The following CA12 variants were observed in gnomAD, a reference collection of about 807,000 sequenced individuals.
CA12 encodes carbonate dehydratase XII.
A neutral mutation model predicts 46.8 loss-of-function variants in CA12; 36 were observed. That is an observed-to-expected ratio of 0.77 (90% CI 0.59 to 1.02). The LOEUF is 1.02. CA12 is among the 50% of genes least tolerant of loss of function. The pLI, the probability that CA12 is intolerant of heterozygous loss-of-function variation, is 0.00. For missense variants in CA12, 436 were observed against 451.4 expected (o/e 0.97, Z 0.31); for synonymous variants, 202 against 187.0 (o/e 1.08, Z -0.65).
chr15:63,361,471 G>T (rs908142139), intron 2 of CA12, among the ~76,000 whole-genome samples: 3 of 152,166 alleles, frequency 2.0e-5, no homozygotes. Context: ...ACTTGGGGGG[G>T]TGCTACTAGC....
rs1314902289 is a variant in CA12, at chr15:63,381,710, C to T, written c.11G>A (p.Arg4His). Residue 4 changes from arginine to histidine, a missense_variant, in exon 1 of 11, where the codon CGC (arginine) becomes CAC (histidine). Physicochemically the swap from Arg to His is conservative, Grantham distance 29 (BLOSUM62 0). Transcript: ENST00000178638. MPR[R>H]SLHAAAVLLL... ...GAGCACGGCCGCCGCGTGCAGGCTG[C>T]GCCGGGGCATCTTCGCGGGCTCCTG... The T allele has an allele frequency of 1.9e-6, 3 of 1,603,586 alleles. No individual in the cohort carries two copies. Among genetic ancestry groups the T allele is most frequent in the African/African-American group, 2.7e-5 (2 of 74,500 alleles).
intron 4 of CA12, 112 bp from the exon 5 acceptor site, chr15:63,342,209 C>G: frequency 1.4e-6 from 1 of 733,030 alleles, no homozygotes; most frequent in South Asian, 1.5e-5. Flanking sequence ...CCCCTCAGCC[C>G]CCCAGACTAG....
At chr15:63,352,403 A>G (rs1049317113) in intron 2 of CA12, among the ~76,000 whole-genome samples, 2 of 152,230 alleles carry the variant, frequency 1.3e-5, no homozygotes, top group African/African-American at 4.8e-5. Context: ...TGCTATGCAG[A>G]CGGCAAAAGA....
chr15:63,368,106 A>G (rs1192289386), intron 2 of CA12, among the ~76,000 whole-genome samples: 1 of 152,186 alleles, frequency 6.6e-6, no homozygotes, highest in African/African-American at 2.4e-5. Context: ...GTGTGTTCTT[A>G]GCATCTAACA....
intron 2 of CA12, among the ~76,000 whole-genome samples, chr15:63,357,955 G>A (rs1485428341): frequency 6.6e-6 from 1 of 152,104 alleles, no homozygotes; most frequent in Admixed American, 6.6e-5. Flanking sequence ...CTTTCATCTG[G>A]CATAATGTTT....
At chr15:63,351,387 C>T (rs956757234) in intron 2 of CA12, among the ~76,000 whole-genome samples, 1 of 152,224 alleles carries the variant, frequency 6.6e-6, no homozygotes, top group Non-Finnish European at 1.5e-5. Context: ...TTGTCATAGC[C>T]TGGCTTGGGT....
rs979516918 is a variant in CA12 at position 63,328,752 on chromosome 15, G to A, written c.875-622C>T. ...GTCTCGCTCTGTCACACATGCTGGA[G>A]TGCAGTGGCACAATCTTGGCTCACT... On this transcript the variant is annotated intron_variant, in intron 8 of 10. Transcript: ENST00000178638. This position sits in a 1 kb window ranked among gnomAD's most constrained non-coding sequence, Gnocchi z 5.9. 6.6e-6 allele frequency among the ~76,000 whole-genome samples: 1 copy of A among 150,980 alleles called. No individual in the cohort carries two copies. Among genetic ancestry groups the A allele is most frequent in the African/African-American group, 2.4e-5 (1 of 40,984 alleles).
rs1413552225 is a variant in CA12 at position 63,348,555 on chromosome 15, C to T, written c.107-1846G>A. The stretch of plus-strand genomic sequence containing the variant: ...GCCAGCCTTTTCTGTGCTCACAATA[C>T]TGCCTGGGCCCACAGCCAGCAGGGC... On this transcript the variant is annotated intron_variant, in intron 2 of 10. Transcript: ENST00000178638. This position sits in a 1 kb window ranked among gnomAD's most constrained non-coding sequence, Gnocchi z 4.6. Among the ~76,000 whole-genome samples, 1 of 152,258 alleles carries T rather than the reference C, an allele frequency of 6.6e-6. No individual in the cohort carries two copies. Among genetic ancestry groups the T allele is most frequent in the Non-Finnish European group, 1.5e-5 (1 of 68,046 alleles).
In CA12 at chr15:63,328,272, G is replaced by C; in HGVS notation, c.875-142C>G. 3 of 751,112 alleles carry C rather than the reference G, an allele frequency of 4.0e-6. No individual in the cohort carries two copies. The highest frequency in any genetic ancestry group is 7.1e-6 in the Non-Finnish European group (3 of 421,286). 46.5% of individuals were successfully genotyped at this position (751,112 alleles called of 1,614,324 possible). On this transcript the variant is annotated intron_variant, in intron 8 of 10. Coordinates refer to ENST00000178638, the MANE Select transcript of CA12 (RefSeq NM_001218.5). The surrounding 1 kb of genome is among the most constrained non-coding windows in gnomAD (Gnocchi z 5.9). ...GATGTCCACCCTTGGCTCAGGGATT[G>C]CCTGATGAAGTACAGGAAATTGCCC...
At chr15:63,375,080 C>G (rs933690149) in intron 2 of CA12, among the ~76,000 whole-genome samples, 1 of 152,186 alleles carries the variant, frequency 6.6e-6, no homozygotes, top group African/African-American at 2.4e-5. Context: ...GGAGACCGTC[C>G]CACAGAAAGC....
chr15:63,340,485 C>T lies in CA12; in HGVS notation c.590-40G>A. The T allele has an allele frequency of 6.2e-7, 1 of 1,612,492 alleles. No homozygotes were observed. Among genetic ancestry groups the T allele is most frequent in the African/African-American group, 1.3e-5 (1 of 75,026 alleles). ...TGCAGAGGTGATAGTGTCAGCCTCC[C>T]TCCGTAGGGCATAAGTGCAGCTGAA... On this transcript the variant is annotated intron_variant, in intron 6 of 10. Coordinates refer to ENST00000178638, the MANE Select transcript of CA12 (RefSeq NM_001218.5). The surrounding 1 kb of genome is among the most constrained non-coding windows in gnomAD (Gnocchi z 4.4).
rs1418488853 is a variant in CA12, at chr15:63,355,709, A to T, written c.107-9000T>A. 6.6e-6 allele frequency among the ~76,000 whole-genome samples: 1 copy of T among 152,058 alleles called. No individual in the cohort carries two copies. The highest frequency in any genetic ancestry group is 1.5e-5 in the Non-Finnish European group (1 of 68,046). ...TTAAACAAACTGCTGACATGCTAAC[A>T]ACCTAACCCCTATCATGAAAACTAG... On this transcript the variant is annotated intron_variant, in intron 2 of 10. Transcript: ENST00000178638. The surrounding 1 kb of genome is among the most constrained non-coding windows in gnomAD (Gnocchi z 4.1).
At chr15:63,368,287 C>T (rs1309902687) in intron 2 of CA12, among the ~76,000 whole-genome samples, 2 of 152,192 alleles carry the variant, frequency 1.3e-5, no homozygotes, top group Non-Finnish European at 2.9e-5. Context: ...TCTTTCTTGG[C>T]CTGGTGGTGT....
At chr15:63,342,135 G>T (rs187816111) in intron 4 of CA12, 38 bp from the exon 5 acceptor site, 2 of 1,319,968 alleles carry the variant, frequency 1.5e-6, no homozygotes, top group South Asian at 1.2e-5. Context: ...GGAGATAAGC[G>T]ACTCATGGGA....
At position 63,329,563 on chromosome 15, in the gene CA12, A is replaced by G. The variant is rs560076309; in HGVS notation, c.875-1433T>C. Among the ~76,000 whole-genome samples the G allele has an allele frequency of 6.6e-6, 1 of 152,224 alleles. No individual in the cohort carries two copies. The highest frequency in any genetic ancestry group is 6.5e-5 in the Admixed American group (1 of 15,298). On this transcript the variant is annotated intron_variant, in intron 8 of 10. Coordinates refer to ENST00000178638, the MANE Select transcript of CA12 (RefSeq NM_001218.5). This position sits in a 1 kb window ranked among gnomAD's most constrained non-coding sequence, Gnocchi z 4.8. ...TTCTGTCTGGTGGTTTTCTCATCTC[A>G]ATGGAAACTTCTAGCATGTGTGTGT...
At position 63,345,445 on chromosome 15, in the gene CA12, G is replaced by A. The variant is rs781001737; in HGVS notation, c.429+32C>T. 2.2e-5 allele frequency: 35 copies of A among 1,601,818 alleles called. No homozygotes were observed. Among genetic ancestry groups the A allele is most frequent in the Non-Finnish European group, 2.8e-5 (33 of 1,179,780 alleles). ...AAGGTGCCACACCACCCACTGCAGA[G>A]CAGCCTCTGCCAGACTGGCAGCCCT... On this transcript the variant is annotated intron_variant, in intron 4 of 10. Transcript: ENST00000178638. The surrounding 1 kb of genome is among the most constrained non-coding windows in gnomAD (Gnocchi z 4.3).
In CA12 at chr15:63,346,549, C is replaced by T; in HGVS notation, c.267G>A (p.Leu89=). 6.2e-7 allele frequency: 1 copy of T among 1,614,076 alleles called. No homozygotes were observed. Residue 89 remains leucine, a synonymous_variant, in exon 3 of 11, where the codon CTG becomes CTA. Transcript: ENST00000178638. ...CCTCACCTGAATGGCCATTGTTGGT[C>T]AGGAGAAACTGCTTGTTGGCAGACA... The part of the protein sequence containing the change: ...YNLSANKQFL[L]TNNGHSVKLN...
rs3056733 is a variant in CA12, at chr15:63,324,706, T to TTG, written c.*1578_*1579insCA. The TTG allele has an allele frequency of 3.3e-5, 5 of 149,720 alleles. No individual in the cohort carries two copies. The highest frequency in any genetic ancestry group is 1.2e-4 in the African/African-American group (5 of 40,650). 9.3% of individuals were successfully genotyped at this position (149,720 alleles called of 1,614,324 possible). ...AGAATAATTTTTTTTTTTTTTTTTT[T>TTG]GAGATGGAGTCTCGCTCTGTCACCC... On this transcript the variant is annotated 3_prime_UTR_variant, in exon 11 of 11. Transcript: ENST00000178638.
chr15:63,345,543 G>A lies in CA12; in HGVS notation c.363C>T (p.His121=). 6.2e-7 allele frequency: 1 copy of A among 1,613,248 alleles called. No homozygotes were observed. The highest frequency in any genetic ancestry group is 8.5e-7 in the Non-Finnish European group (1 of 1,180,024). ...CGTGCGGGTCATTCGGGTTCCCCCA[G>A]TGCAGGTGCAGCTGCGTGGCACTGT... ...SRYSATQLHL[H]WGNPNDPHGS... Residue 121 remains histidine (H), a synonymous_variant, in exon 4 of 11, where the codon CAC becomes CAT. Coordinates refer to ENST00000178638, the MANE Select transcript of CA12 (RefSeq NM_001218.5). The surrounding 1 kb of genome is among the most constrained non-coding windows in gnomAD (Gnocchi z 4.3).
Sources: gnomAD v4.1 joint callset for allele counts (sites outside exome capture counted in the v4.1 genomes callset) on GRCh38, gnomAD v4.1.1 for gene constraint, Gnocchi (gnomAD v3.1) non-coding constraint, MANE v1.5 for transcripts, NCBI Gene and HGNC (gene_info 2026-07-23, HGNC 2026-07-21) for gene names.